NFASC: variants seen among roughly 807,000 people sequenced by gnomAD.
The protein encoded by NFASC is neurofascin homolog.
Under a neutral mutation model 147.5 loss-of-function variants are expected in NFASC, and 43 were observed. The ratio of observed to expected loss-of-function variants is 0.29; its 90% CI spans 0.23 to 0.38. NFASC has a LOEUF of 0.38. NFASC is among the 10% of genes least tolerant of loss of function. The probability of loss-of-function intolerance (pLI) is 1.00; values close to 1 mark genes in which losing one functional copy is unlikely to be tolerated. For missense variants in NFASC, 1,320 were observed against 1,689.0 expected (o/e 0.78, Z 3.83); for synonymous variants, 622 against 665.5 (o/e 0.93, Z 1.01).
At chr1:204,948,150 G>A (rs985817293) in intron 3 of NFASC, among the ~76,000 whole-genome samples, 12 of 152,238 alleles carry the variant, frequency 7.9e-5, no homozygotes, top group African/African-American at 2.9e-4. Context: ...CTCGCAGACC[G>A]AGCAGGCATC....
rs988782838 is a variant in NFASC, at chr1:204,975,121, A to G, written c.1559-150A>G. ...CTGCTTTGGGGATTACCCACCCAGA[A>G]CTCTGCTCCGTTCATACCATAGCAT... is the stretch of plus-strand genomic sequence containing the variant. On this transcript the variant is annotated intron_variant, in intron 14 of 29. Coordinates refer to ENST00000339876, the MANE Select transcript of NFASC (RefSeq NM_001005388.3). The surrounding 1 kb of genome is among the most constrained non-coding windows in gnomAD (Gnocchi z 4.0). 6.0e-5 allele frequency: 51 copies of G among 847,440 alleles called. No homozygotes were observed. Among genetic ancestry groups the G allele is most frequent in the African/African-American group, 1.9e-4 (11 of 58,534 alleles). 52.5% of individuals were successfully genotyped at this position (847,440 alleles called of 1,614,324 possible). A position where few individuals can be genotyped will look rare whatever the true frequency, so the allele number is the denominator to read the frequency against.
In NFASC at chr1:204,987,479, A is replaced by G. The variant is rs1473255148; in HGVS notation, c.2532A>G (p.Glu844=). ...RQPNLETINL[E]WDHPEHPNGI... is the part of the protein sequence containing the mutation. The stretch of plus-strand genomic sequence containing the variant: ...CCAACCTGGAGACAATCAACCTGGA[A>G]TGGGATCATCCTGAGCATCCAAATG... The change falls in exon 22 of 30, where the codon GAA becomes GAG. Residue 844 remains glutamate, a synonymous_variant. Transcript: ENST00000339876. The surrounding 1 kb of genome is among the most constrained non-coding windows in gnomAD (Gnocchi z 4.4). 1.2e-6 allele frequency: 2 copies of G among 1,614,036 alleles called. No homozygotes were observed. The highest frequency in any genetic ancestry group is 1.1e-5 in the South Asian group (1 of 91,078).
rs1026149737 is a variant in NFASC, at chr1:204,959,304, C to T, written c.706+1478C>T. ...TGCCTGACACCTGCAGCAAGCCCCT[C>T]GAGTTCCTGGCAGGGTGACCTGGCT... On this transcript the variant is annotated intron_variant, in intron 8 of 29. Coordinates refer to ENST00000339876, the MANE Select transcript of NFASC (RefSeq NM_001005388.3). Among the ~76,000 whole-genome samples the T allele has an allele frequency of 7.2e-5, 11 of 152,302 alleles. No individual in the cohort carries two copies. The East Asian group carries it at 1.2e-3, about 16-fold the overall frequency.
chr1:204,918,081 C>T (rs942928194), intron 1 of NFASC, among the ~76,000 whole-genome samples: 1 of 152,122 alleles, frequency 6.6e-6, no homozygotes, highest in Non-Finnish European at 1.5e-5. Context: ...CTCCTTTCAA[C>T]CAGTAAATCT....
rs2095472850 is a variant in NFASC, at chr1:204,979,538, C to T, written c.2155C>T (p.Arg719Cys). The change falls in exon 19 of 30, where the codon CGC becomes TGC. Residue 719 changes from arginine to cysteine, a missense_variant. By Grantham distance (180) the Arg-to-Cys change is radical. Coordinates refer to ENST00000339876, the MANE Select transcript of NFASC (RefSeq NM_001005388.3). The surrounding 1 kb of genome is among the most constrained non-coding windows in gnomAD (Gnocchi z 6.0). ...CAGCCACCCCAGCCTCCCATCCGAG[C>T]GCTACCGAACCAGTGGAGCACGTGA... ...GSSHPSLPSERYRTSGAPPES... is the reference protein window; with the variant it reads ...GSSHPSLPSECYRTSGAPPES... 3 of 1,613,540 alleles carry T rather than the reference C, an allele frequency of 1.9e-6. No individual in the cohort carries two copies. Among genetic ancestry groups the T allele is most frequent in the Non-Finnish European group, 1.7e-6 (2 of 1,179,990 alleles).
chr1:204,952,127 G>C lies in NFASC; in HGVS notation c.215+11G>C. On this transcript the variant is annotated intron_variant, in intron 5 of 29. Transcript: ENST00000339876. ...GAACCCTGCCCCCAGGTGAGTGAAGGGGAAAAAGAGTGCATTGAAACCACC... is the reference window on the plus strand; with the variant it reads ...GAACCCTGCCCCCAGGTGAGTGAAGCGGAAAAAGAGTGCATTGAAACCACC... The C allele has an allele frequency of 3.8e-6, 6 of 1,597,522 alleles. No individual in the cohort carries two copies. In the South Asian group the frequency reaches 6.6e-5, roughly 18 times the overall value.
In NFASC at chr1:204,976,749, C is replaced by T; in HGVS notation, c.1785C>T (p.Ser595=). ...RDQGSYTCVA[S]TELDQDLAKA... is the part of the protein sequence containing the mutation. ...AGGGCAGTTACACGTGTGTCGCCAG[C>T]ACCGAGCTAGACCAAGACCTGGCCA... The change falls in exon 16 of 30, where the codon AGC becomes AGT. Residue 595 remains serine, a synonymous_variant. Coordinates refer to ENST00000339876, the MANE Select transcript of NFASC (RefSeq NM_001005388.3). 6.2e-7 allele frequency: 1 copy of T among 1,614,108 alleles called. No homozygotes were observed. Among genetic ancestry groups the T allele is most frequent in the Non-Finnish European group, 8.5e-7 (1 of 1,179,974 alleles).
intron 1 of NFASC, among the ~76,000 whole-genome samples, chr1:204,901,337 A>G (rs2084533697): frequency 6.6e-6 from 1 of 152,114 alleles, no homozygotes; most frequent in Non-Finnish European, 1.5e-5. Flanking sequence ...ATCCTGGGGT[A>G]CTCCAACCTT....
At chr1:204,961,046 C>G (rs1374514854) in intron 8 of NFASC, among the ~76,000 whole-genome samples, 1 of 152,188 alleles carries the variant, frequency 6.6e-6, no homozygotes, top group Non-Finnish European at 1.5e-5. Context: ...ATGTTCTTGC[C>G]TCCTCAGGGC....
intron 1 of NFASC, among the ~76,000 whole-genome samples, chr1:204,840,971 C>T (rs1477739041): frequency 6.6e-6 from 1 of 152,178 alleles, no homozygotes; most frequent in African/African-American, 2.4e-5. Flanking sequence ...AGAAGTGGTC[C>T]TGTAGATGCT....
At position 205,015,507 on chromosome 1, in the gene NFASC, G is replaced by A. The variant is rs889222666; in HGVS notation, c.3492-801G>A. On this transcript the variant is annotated intron_variant, in intron 29 of 29. Transcript: ENST00000339876. This position sits in a 1 kb window ranked among gnomAD's most constrained non-coding sequence, Gnocchi z 4.0. The stretch of plus-strand genomic sequence containing the variant: ...CAGCAGACATCCCAACTGGGTGGCT[G>A]TTCCCAGCGGCCCGTGCAGCTTTAC... 6.6e-6 allele frequency among the ~76,000 whole-genome samples: 1 copy of A among 152,148 alleles called. No homozygotes were observed. The highest frequency in any genetic ancestry group is 2.4e-5 in the African/African-American group (1 of 41,448).
At chr1:204,863,877 GAAAGAA>G (rs1346892507) in intron 1 of NFASC, among the ~76,000 whole-genome samples, 1 of 134,392 alleles carries the variant, frequency 7.4e-6, no homozygotes, top group Non-Finnish European at 1.6e-5. Context: ...AGAAGGAAAA[GAAAGAA>G]AAGGAAGGAA....
chr1:204,928,245 T>C (rs2091942647), intron 2 of NFASC, among the ~76,000 whole-genome samples: 1 of 152,120 alleles, frequency 6.6e-6, no homozygotes. Flanking sequence ...CCGACTACAT[T>C]TGAGCATCTT....
In NFASC at chr1:204,954,109, G is replaced by A. The variant is rs1305524505; in HGVS notation, c.216-79G>A. ...GAGGGAATTTTGGTACTGAGCCAGG[G>A]ACTAGGGATCTGAGATCTGCCTGGA... On this transcript the variant is annotated intron_variant, in intron 5 of 29. Coordinates refer to ENST00000339876, the MANE Select transcript of NFASC (RefSeq NM_001005388.3). This position sits in a 1 kb window ranked among gnomAD's most constrained non-coding sequence, Gnocchi z 5.7. The A allele has an allele frequency of 3.0e-6, 4 of 1,328,818 alleles. No individual in the cohort carries two copies. The highest frequency in any genetic ancestry group is 3.2e-6 in the Non-Finnish European group (3 of 928,674). The allele number at this position is 1,328,818 out of a possible 1,614,324, so 82.3% of individuals were successfully genotyped here.
At chr1:204,966,530 T>C (rs1244106215) in intron 8 of NFASC, among the ~76,000 whole-genome samples, 2 of 152,100 alleles carry the variant, frequency 1.3e-5, no homozygotes, top group Non-Finnish European at 2.9e-5. Context: ...TGATGGTGGG[T>C]GGGAGGAAGC....
rs3795559 is a variant in NFASC, at chr1:205,020,783, C to A, written c.*4244C>A. 9,035 of 152,214 alleles carry A rather than the reference C, an allele frequency of 0.059. 348 individuals are homozygous for A. Among genetic ancestry groups the A allele is most frequent in the South Asian group, 0.1 (487 of 4,814 alleles). The allele number at this position is 152,214 out of a possible 1,614,324, so 9.4% of individuals were successfully genotyped here. Reference sequence around the variant, plus strand: ...GGCTTTCCGTCGGCTGGGGCTAGTGCCAGAGAATCCCTTCTCAGTGGCCAG... The same window carrying A: ...GGCTTTCCGTCGGCTGGGGCTAGTGACAGAGAATCCCTTCTCAGTGGCCAG... On this transcript the variant is annotated 3_prime_UTR_variant, in exon 30 of 30. Transcript: ENST00000339876.
chr1:204,992,133 G>C (rs2095750414), intron 24 of NFASC, among the ~76,000 whole-genome samples: 1 of 152,180 alleles, frequency 6.6e-6, no homozygotes, highest in African/African-American at 2.4e-5. Context: ...CCCCAGGCTG[G>C]AGAAACGAGG....
intron 17 of NFASC, among the ~76,000 whole-genome samples, chr1:204,978,457 G>T (rs2095448952): frequency 6.6e-6 from 1 of 152,042 alleles, no homozygotes; most frequent in Non-Finnish European, 1.5e-5. Flanking sequence ...CCCTCTCTTT[G>T]TTGCCCCCAC....
At chr1:204,950,998 A>C (rs1333422777) in intron 4 of NFASC, among the ~76,000 whole-genome samples, 3 of 152,154 alleles carry the variant, frequency 2.0e-5, no homozygotes, top group African/African-American at 7.2e-5. Context: ...ATGACCCCTA[A>C]GTTCTGAAAA....
Sources: gnomAD v4.1 joint callset for allele counts (sites outside exome capture counted in the v4.1 genomes callset) on GRCh38, gnomAD v4.1.1 for gene constraint, Gnocchi (gnomAD v3.1) non-coding constraint, MANE v1.5 for transcripts, NCBI Gene and HGNC (gene_info 2026-07-23, HGNC 2026-07-21) for gene names.